Variants in CTNNA2 observed in about 807,000 individuals in gnomAD.
The protein encoded by CTNNA2 is catenin alpha-2.
CTNNA2 carries 42 observed loss-of-function variants against 101.0 expected under a neutral mutation model. The ratio of observed to expected loss-of-function variants is 0.42; its 90% confidence interval spans 0.32 to 0.54. CTNNA2 has a LOEUF of 0.54. CTNNA2 is among the 20% of genes least tolerant of loss of function. The pLI is 0.14. For missense variants in CTNNA2, 871 were observed against 1,223.1 expected (o/e 0.71, Z 4.29); for synonymous variants, 450 against 456.4 (o/e 0.99, Z 0.18).
intron 1 of CTNNA2, among the ~76,000 whole-genome samples, chr2:79,530,161 G>C (rs1672652043): frequency 6.6e-6 from 1 of 152,130 alleles, no homozygotes. Flanking sequence ...CCTTCCAGCT[G>C]CATTCTTTAT....
intron 9 of CTNNA2, among the ~76,000 whole-genome samples, chr2:80,500,068 G>GAATGGA (rs1255396398): frequency 6.6e-6 from 1 of 151,992 alleles, no homozygotes; most frequent in Non-Finnish European, 1.5e-5. Flanking sequence ...TGTAGTAGAA[G>GAATGGA]AATGGAATAT....
chr2:80,361,413 A>G (rs1414524835), intron 7 of CTNNA2, among the ~76,000 whole-genome samples: 3 of 152,148 alleles, frequency 2.0e-5, no homozygotes, highest in African/African-American at 7.2e-5. Context: ...TTCTGAATAT[A>G]TAACAACAAA....
intron 7 of CTNNA2, among the ~76,000 whole-genome samples, chr2:80,046,458 C>G (rs1039576883): frequency 6.6e-6 from 1 of 152,058 alleles, no homozygotes; most frequent in East Asian, 1.9e-4. Flanking sequence ...TAAGTATCCC[C>G]CCAAATAGCT....
chr2:80,456,311 T>C (rs1476590074), intron 9 of CTNNA2, among the ~76,000 whole-genome samples: 1 of 152,178 alleles, frequency 6.6e-6, no homozygotes, highest in African/African-American at 2.4e-5. Context: ...TGCACATTGG[T>C]ATCCCCTGCA....
chr2:79,244,587 A>C (rs1218308538), intron 2 of CTNNA2, among the ~76,000 whole-genome samples: 1 of 152,248 alleles, frequency 6.6e-6, no homozygotes, highest in East Asian at 1.9e-4. Context: ...GTAGAAAGAC[A>C]GGCATGGGCA....
intron 7 of CTNNA2, among the ~76,000 whole-genome samples, chr2:80,374,949 CACTT>C (rs1376035241): frequency 6.6e-6 from 1 of 151,960 alleles, no homozygotes; most frequent in Non-Finnish European, 1.5e-5. Context: ...GCCCAATAAA[CACTT>C]ACTTAGTGGA....
At chr2:79,383,317 C>T (rs767693735) in intron 4 of CTNNA2, among the ~76,000 whole-genome samples, 1 of 151,950 alleles carries the variant, frequency 6.6e-6, no homozygotes, top group African/African-American at 2.4e-5. Flanking sequence ...TCTGTATGAT[C>T]GGGGATAATA....
intron 3 of CTNNA2, among the ~76,000 whole-genome samples, chr2:79,852,542 C>G (rs1355693484): frequency 6.6e-6 from 1 of 152,188 alleles, no homozygotes; most frequent in Non-Finnish European, 1.5e-5. Context: ...CCAATACTTG[C>G]CATTGCTGAA....
intron 1 of CTNNA2, among the ~76,000 whole-genome samples, chr2:79,581,192 T>A (rs1676125546): frequency 6.6e-6 from 1 of 152,222 alleles, no homozygotes; most frequent in South Asian, 2.1e-4. Flanking sequence ...CCTGTGGTTA[T>A]TCTTAACATT....
upstream of CTNNA2, among the ~76,000 whole-genome samples, chr2:79,509,375 T>C (rs999561707): frequency 3.9e-5 from 6 of 152,098 alleles, no homozygotes; most frequent in Non-Finnish European, 5.9e-5. Context: ...TGACCTTCTG[T>C]AGGTGAGTGG....
intron 7 of CTNNA2, among the ~76,000 whole-genome samples, chr2:80,076,300 A>G (rs576008805): frequency 1.3e-5 from 2 of 148,634 alleles, no homozygotes; most frequent in East Asian, 2.0e-4. Flanking sequence ...TCTTTTTTAG[A>G]TAGGATCTCA....
chr2:79,872,125 A>T (rs924994563), intron 5 of CTNNA2, among the ~76,000 whole-genome samples: 1 of 152,204 alleles, frequency 6.6e-6, no homozygotes, highest in African/African-American at 2.4e-5. Flanking sequence ...GCATACAAAT[A>T]TGCGTATTGT....
chr2:80,529,803 A>G (rs1690369560), intron 9 of CTNNA2, among the ~76,000 whole-genome samples: 1 of 152,208 alleles, frequency 6.6e-6, no homozygotes, highest in African/African-American at 2.4e-5. Flanking sequence ...TTGAAAGGTC[A>G]GACTGGCCAT....
At chr2:79,428,469 G>T (rs1558664608) in intron 4 of CTNNA2, among the ~76,000 whole-genome samples, 1 of 152,042 alleles carries the variant, frequency 6.6e-6, no homozygotes, top group Non-Finnish European at 1.5e-5. Context: ...TGCTTGACAG[G>T]ATGAAAAGGG....
chr2:80,219,368 A>G (rs896901880), intron 7 of CTNNA2, among the ~76,000 whole-genome samples: 2 of 152,218 alleles, frequency 1.3e-5, no homozygotes, highest in African/African-American at 4.8e-5. Context: ...ACTGTTATCT[A>G]TTATTATCTT....
At chr2:80,244,538 C>T (rs1671183016) in intron 7 of CTNNA2, among the ~76,000 whole-genome samples, 1 of 152,042 alleles carries the variant, frequency 6.6e-6, no homozygotes, top group South Asian at 2.1e-4. Flanking sequence ...AACTTAGACT[C>T]AGATGGTCCA....
At position 80,644,375 on chromosome 2, in the gene CTNNA2, C is replaced by T. The variant is rs532343467; in HGVS notation, c.2575-3210C>T. On this transcript the variant is annotated intron_variant, in intron 18 of 18. Transcript: ENST00000402739. Reference sequence around the variant, plus strand: ...ATTCACTTACCTATCTTGTTGAAAACGCCATCATTACAATAAGTCACAAAA... The same window carrying T: ...ATTCACTTACCTATCTTGTTGAAAATGCCATCATTACAATAAGTCACAAAA... Among the ~76,000 whole-genome samples, 118 of 152,206 alleles carry T rather than the reference C, an allele frequency of 7.8e-4. 1 individual carries two copies. The South Asian group carries it at 0.022, about 28-fold the overall frequency.
At chr2:79,322,329 A>C (rs1162951920) in intron 3 of CTNNA2, among the ~76,000 whole-genome samples, 2 of 152,286 alleles carry the variant, frequency 1.3e-5, no homozygotes, top group East Asian at 3.9e-4. Context: ...TCTTATGGAG[A>C]CACTGACCTG....
chr2:79,330,421 C>T (rs1676844927), intron 3 of CTNNA2, among the ~76,000 whole-genome samples: 1 of 152,132 alleles, frequency 6.6e-6, no homozygotes, highest in East Asian at 1.9e-4. Context: ...CTGAGTGAAA[C>T]TCACGGGACT....
Sources: gnomAD v4.1 joint callset for allele counts (sites outside exome capture counted in the v4.1 genomes callset) on GRCh38, gnomAD v4.1.1 for gene constraint, MANE v1.5 for transcripts, NCBI Gene and HGNC (gene_info 2026-07-23, HGNC 2026-07-21) for gene names.